EMSY: variants seen among roughly 807,000 people sequenced by gnomAD.
EMSY encodes BRCA2-interacting transcriptional repressor EMSY.
EMSY carries 26 observed loss-of-function variants against 134.6 expected under a neutral mutation model. That is an observed-to-expected ratio of 0.19 (90% CI 0.14 to 0.27). EMSY has a LOEUF of 0.27. Ranked by LOEUF, EMSY falls within the 10% of genes least tolerant of loss-of-function variation. EMSY has a pLI of 1.00. For synonymous variants in EMSY, 579 were observed against 577.8 expected (o/e 1.00, Z -0.03); for missense variants, 1,305 against 1,611.4 (o/e 0.81, Z 3.26).
At chr11:76,482,240 T>C (rs1282353127) in intron 8 of EMSY, among the ~76,000 whole-genome samples, 1 of 152,170 alleles carries the variant, frequency 6.6e-6, no homozygotes, top group African/African-American at 2.4e-5. Context: ...AAACCCCATC[T>C]AAAAGTCACC....
intron 4 of EMSY, among the ~76,000 whole-genome samples, chr11:76,456,962 G>A (rs1000073454): frequency 6.6e-6 from 1 of 152,078 alleles, no homozygotes; most frequent in Non-Finnish European, 1.5e-5. Context: ...TATGCTGGTC[G>A]AAGGAGACAT....
intron 8 of EMSY, among the ~76,000 whole-genome samples, chr11:76,482,603 T>C (rs1273666449): frequency 6.6e-6 from 1 of 152,120 alleles, no homozygotes; most frequent in Non-Finnish European, 1.5e-5. Context: ...TTGTGAAGCA[T>C]ACACAAGTAT....
intron 5 of EMSY, chr11:76,459,061 G>A (rs895909329): frequency 2.6e-5 from 4 of 152,180 alleles, no homozygotes; most frequent in Admixed American, 2.6e-4. Flanking sequence ...ATGCATGACA[G>A]GCTCTGTTTT....
At chr11:76,447,217 A>G in intron 2 of EMSY, among the ~76,000 whole-genome samples, 1 of 152,236 alleles carries the variant, frequency 6.6e-6, no homozygotes, top group East Asian at 1.9e-4. Flanking sequence ...TAATACTAGT[A>G]GCTAAGATTT....
chr11:76,527,566 A>C (rs1950888112), intron 13 of EMSY, among the ~76,000 whole-genome samples: 1 of 152,116 alleles, frequency 6.6e-6, no homozygotes. Context: ...TCAGATTTTG[A>C]AGTAGAATGG....
intron 4 of EMSY, among the ~76,000 whole-genome samples, chr11:76,457,370 A>G (rs1054389178): frequency 6.6e-6 from 1 of 152,220 alleles, no homozygotes; most frequent in Non-Finnish European, 1.5e-5. Context: ...CATAGAGCCA[A>G]GTTAAGAGAA....
chr11:76,467,707 A>G (rs1027943060), intron 7 of EMSY, among the ~76,000 whole-genome samples: 7 of 152,170 alleles, frequency 4.6e-5, no homozygotes, highest in Non-Finnish European at 1.0e-4. Context: ...AAAGATGATC[A>G]TAGGCCGGGT....
chr11:76,508,853 C>T (rs932579345), intron 9 of EMSY, among the ~76,000 whole-genome samples: 10 of 152,156 alleles, frequency 6.6e-5, no homozygotes, highest in African/African-American at 2.4e-4. Context: ...TCTGCAGATT[C>T]CTCACTCTCC....
intron 7 of EMSY, among the ~76,000 whole-genome samples, chr11:76,471,441 A>G (rs573264022): frequency 1.3e-5 from 2 of 152,232 alleles, no homozygotes; most frequent in African/African-American, 4.8e-5. Context: ...TCCATGGTTT[A>G]TTCATATTTC....
At chr11:76,449,588 A>G (rs1439469015) in intron 2 of EMSY, among the ~76,000 whole-genome samples, 1 of 152,056 alleles carries the variant, frequency 6.6e-6, no homozygotes, top group East Asian at 1.9e-4. Context: ...TGGCATTGCC[A>G]TTCTCCTAAA....
chr11:76,446,920 C>A, exon 2 of EMSY: 1 of 1,607,774 alleles, frequency 6.2e-7, no homozygotes, highest in Non-Finnish European at 8.5e-7. Context: ...CTCTTTGGGG[C>A]TACCAAACAG....
exon 19 of EMSY, chr11:76,544,475 C>G (rs2136757228): frequency 6.2e-7 from 1 of 1,614,120 alleles, no homozygotes; most frequent in Non-Finnish European, 8.5e-7. Flanking sequence ...CCAGACTAAA[C>G]AGAAGCAGAC....
chr11:76,504,717 A>G (rs1242367144), intron 9 of EMSY, among the ~76,000 whole-genome samples: 2 of 152,234 alleles, frequency 1.3e-5, no homozygotes, highest in Non-Finnish European at 1.5e-5. Context: ...AAAAACTTGC[A>G]TACAAATATT....
chr11:76,550,075 C>G, exon 21 of EMSY: 1 of 1,613,884 alleles, frequency 6.2e-7, no homozygotes, highest in Non-Finnish European at 8.5e-7. Flanking sequence ...AGCAATGGAG[C>G]AGGACATAGA....
intron 14 of EMSY, among the ~76,000 whole-genome samples, chr11:76,530,155 GTTT>G (rs61227279): frequency 1.7e-5 from 2 of 114,344 alleles, no homozygotes; most frequent in African/African-American, 3.5e-5. Context: ...AATCTTTAGG[GTTT>G]TTTTTTTTTT....
At chr11:76,450,833 G>A (rs1947634491) in intron 2 of EMSY, among the ~76,000 whole-genome samples, 1 of 145,470 alleles carries the variant, frequency 6.9e-6, no homozygotes, top group Non-Finnish European at 1.5e-5. Flanking sequence ...TCGCTCAGTT[G>A]CCCAGGCTGG....
At chr11:76,454,440 T>C (rs1304292463) in intron 4 of EMSY, among the ~76,000 whole-genome samples, 1 of 152,130 alleles carries the variant, frequency 6.6e-6, no homozygotes, top group Non-Finnish European at 1.5e-5. Flanking sequence ...TAGGCTAACA[T>C]GGTTGAAACA....
chr11:76,520,417 TA>T (rs1467351167), intron 11 of EMSY, among the ~76,000 whole-genome samples: 1 of 152,156 alleles, frequency 6.6e-6, no homozygotes, highest in East Asian at 1.9e-4. Context: ...AAAAGCATAG[TA>T]AATCATGTCA....
chr11:76,460,185 A>G, intron 6 of EMSY, 100 bp downstream of exon 7: 3 of 1,336,992 alleles, frequency 2.2e-6, no homozygotes, highest in South Asian at 1.3e-5. Flanking sequence ...TTGGTCCACT[A>G]GCTGTTAGTA....
Sources: gnomAD v4.1 joint callset for allele counts (sites outside exome capture counted in the v4.1 genomes callset) on GRCh38, gnomAD v4.1.1 for gene constraint, MANE v1.5 for transcripts, NCBI Gene and HGNC (gene_info 2026-07-23, HGNC 2026-07-21) for gene names.